Variants in STK32B observed in about 807,000 individuals in gnomAD.
The protein encoded by STK32B is serine/threonine kinase 32B, also known as serine/threonine-protein kinase 32B.
A neutral mutation model predicts 52.6 loss-of-function variants in STK32B; 43 were observed. The observed-to-expected ratio is 0.82, with a 90% CI of 0.64 to 1.05. STK32B has a LOEUF of 1.05. STK32B is among the 50% of genes least tolerant of loss of function. The pLI, the probability that STK32B is intolerant of heterozygous loss-of-function variation, is 0.00. For missense variants in STK32B, 621 were observed against 534.6 expected (o/e 1.16, Z -1.59); for synonymous variants, 238 against 204.3 (o/e 1.17, Z -1.41).
chr4:5,341,487 C>T (rs1024154564), intron 4 of STK32B, among the ~76,000 whole-genome samples: 19 of 152,196 alleles, frequency 1.2e-4, no homozygotes, highest in Non-Finnish European at 2.1e-4. Flanking sequence ...CTTTATTCCT[C>T]ATCACATACT....
At chr4:5,392,170 C>T (rs1276275407) in intron 4 of STK32B, among the ~76,000 whole-genome samples, 2 of 152,216 alleles carry the variant, frequency 1.3e-5, no homozygotes, top group African/African-American at 4.8e-5. Flanking sequence ...CATGATGGCT[C>T]ACGCCTGTAA....
chr4:5,208,378 A>G (rs1722707995), intron 3 of STK32B, among the ~76,000 whole-genome samples: 1 of 152,258 alleles, frequency 6.6e-6, no homozygotes, highest in South Asian at 2.1e-4. Context: ...GAAGTAAATA[A>G]GAACAAACCA....
Position 5,446,769 on chromosome 4 carries a change from G to A in STK32B, c.659G>A (p.Arg220Gln), listed in dbSNP as rs373843574. Reference sequence around the variant, plus strand: ...GGCATCACAGCCTATGAGCTGCTGCGGGGCTGGGTAAGACAGGCACCTGTG... The same window carrying A: ...GGCATCACAGCCTATGAGCTGCTGCAGGGCTGGGTAAGACAGGCACCTGTG... ...SLGITAYELLRGWRPYEIHSV... is the reference protein window; with the variant it reads ...SLGITAYELLQGWRPYEIHSV... The change falls in exon 7 of 12, where the codon CGG becomes CAG. Residue 220 changes from arginine (R) to glutamine (Q), a missense_variant. Physicochemically the swap from Arg to Gln is conservative, Grantham distance 43. Transcript: ENST00000282908. 27 of 1,613,864 alleles carry A rather than the reference G, an allele frequency of 1.7e-5. No homozygotes were observed. Among genetic ancestry groups the A allele is most frequent in the Admixed American group, 1.3e-4 (8 of 59,984 alleles).
intron 3 of STK32B, among the ~76,000 whole-genome samples, chr4:5,299,662 A>G (rs925037122): frequency 7.2e-5 from 11 of 152,114 alleles, no homozygotes; most frequent in African/African-American, 2.4e-4. Flanking sequence ...TGCTTTTGTT[A>G]CTGTAGCCTT....
chr4:5,183,600 A>G (rs1452526806), intron 3 of STK32B, among the ~76,000 whole-genome samples: 1 of 152,252 alleles, frequency 6.6e-6, no homozygotes, highest in Non-Finnish European at 1.5e-5. Context: ...GGGGATGGCC[A>G]GTGAGTGGAG....
the STK32B span, among the ~76,000 whole-genome samples, chr4:5,024,917 C>T: frequency 6.6e-6 from 1 of 152,052 alleles, no homozygotes; most frequent in African/African-American, 2.4e-5. Context: ...GAGCTGCACC[C>T]CCAACCCCAG....
the STK32B span, among the ~76,000 whole-genome samples, chr4:5,038,017 A>C: frequency 1.3e-5 from 2 of 152,086 alleles, no homozygotes; most frequent in Non-Finnish European, 2.9e-5. Context: ...GCTTTGCCAG[A>C]CCCTTGGCTA....
intron 3 of STK32B, among the ~76,000 whole-genome samples, chr4:5,289,790 G>C (rs1728776848): frequency 6.9e-6 from 1 of 144,362 alleles, no homozygotes; most frequent in African/African-American, 2.6e-5. Flanking sequence ...TGATCCGCCT[G>C]CCTCGGCCCC....
At chr4:5,135,935 A>T (rs1027222806) in intron 1 of STK32B, among the ~76,000 whole-genome samples, 1 of 152,226 alleles carries the variant, frequency 6.6e-6, no homozygotes, top group Admixed American at 6.5e-5. Flanking sequence ...GATTAATTAG[A>T]TCGGTAGTTC....
chr4:5,090,609 C>T (rs1042943954), intron 1 of STK32B, among the ~76,000 whole-genome samples: 1 of 152,082 alleles, frequency 6.6e-6, no homozygotes, highest in African/African-American at 2.4e-5. Context: ...GTGATCCACC[C>T]TCCTTGGCCT....
chr4:5,043,090 G>A, the STK32B span, among the ~76,000 whole-genome samples: 7 of 145,298 alleles, frequency 4.8e-5, no homozygotes, highest in Non-Finnish European at 1.5e-5. Context: ...TCCGGCCTGG[G>A]CGACAGAGCG....
At chr4:5,321,819 CT>C in intron 3 of STK32B, among the ~76,000 whole-genome samples, 1 of 152,262 alleles carries the variant, frequency 6.6e-6, no homozygotes, top group East Asian at 1.9e-4. Context: ...CCAACTGCCT[CT>C]GCCTGGAGGT....
chr4:5,196,708 G>A (rs535907889), intron 3 of STK32B, among the ~76,000 whole-genome samples: 7 of 144,576 alleles, frequency 4.8e-5, no homozygotes, highest in South Asian at 4.3e-4. Context: ...GCGGCAGAGC[G>A]AGACTCTGTC....
At chr4:5,035,148 G>A in the STK32B span, among the ~76,000 whole-genome samples, 385 of 152,222 alleles carry the variant, frequency 2.5e-3, 4 homozygotes, top group African/African-American at 8.8e-3. Flanking sequence ...TCAGAACCAC[G>A]TTGCTTCATA....
intron 1 of STK32B, among the ~76,000 whole-genome samples, chr4:5,120,288 G>A (rs920513379): frequency 6.8e-4 from 103 of 152,260 alleles, no homozygotes; most frequent in African/African-American, 2.2e-3. Context: ...GTAGCCTAGC[G>A]CTCTGTCACA....
chr4:5,375,195 G>A lies in STK32B; in HGVS notation c.435-23012G>A, dbSNP rs555965066. ...GCCACCCCAACTGCTGTCCAGCCTCGTCCCCCACTCTGTCTGCTGCATCCA... is the reference window on the plus strand; with the variant it reads ...GCCACCCCAACTGCTGTCCAGCCTCATCCCCCACTCTGTCTGCTGCATCCA... On this transcript the variant is annotated intron_variant, in intron 4 of 11. Coordinates refer to ENST00000282908, the MANE Select transcript of STK32B (RefSeq NM_018401.3). Among the ~76,000 whole-genome samples, 469 of 151,930 alleles carry A rather than the reference G, an allele frequency of 3.1e-3. 3 individuals are homozygous for A. In the Middle Eastern group the frequency reaches 0.037, roughly 12 times the overall value.
intron 3 of STK32B, among the ~76,000 whole-genome samples, chr4:5,239,054 GC>G: frequency 6.6e-6 from 1 of 152,188 alleles, no homozygotes; most frequent in East Asian, 1.9e-4. Flanking sequence ...AATCAGAAAA[GC>G]CCTTTGGAGT....
At chr4:5,124,069 T>C (rs1715217660) in intron 1 of STK32B, among the ~76,000 whole-genome samples, 1 of 152,166 alleles carries the variant, frequency 6.6e-6, no homozygotes, top group Non-Finnish European at 1.5e-5. Context: ...TCATATCATC[T>C]ATTCAAAAAG....
At chr4:5,354,061 A>C (rs1174046649) in intron 4 of STK32B, among the ~76,000 whole-genome samples, 2 of 152,212 alleles carry the variant, frequency 1.3e-5, no homozygotes, top group Non-Finnish European at 2.9e-5. Context: ...CGTGAAACAG[A>C]ATGAAATCAT....
Sources: gnomAD v4.1 joint callset for allele counts (sites outside exome capture counted in the v4.1 genomes callset) on GRCh38, gnomAD v4.1.1 for gene constraint, MANE v1.5 for transcripts, NCBI Gene and HGNC (gene_info 2026-07-23, HGNC 2026-07-21) for gene names.